ZNF385D: variants seen among roughly 807,000 people sequenced by gnomAD.
ZNF385D encodes zinc finger protein 659.
A neutral mutation model predicts 35.8 loss-of-function variants in ZNF385D; 15 were observed. That is an observed-to-expected ratio of 0.42 (90% CI 0.28 to 0.64). The LOEUF is 0.64. Ranked by LOEUF, ZNF385D falls within the 30% of genes least tolerant of loss-of-function variation. ZNF385D has a pLI of 0.23. For missense variants in ZNF385D, 474 were observed against 494.6 expected (o/e 0.96, Z 0.39); for synonymous variants, 212 against 186.8 (o/e 1.13, Z -1.10).
rs1051144280 is a variant in ZNF385D, at chr3:21,462,322, T to C, written c.440-25119A>G. Among the ~76,000 whole-genome samples the C allele has an allele frequency of 1.2e-4, 18 of 152,284 alleles. No homozygotes were observed. The East Asian group carries it at 3.5e-3, about 29-fold the overall frequency. ...CCAGAATTTAGGAACTTAATAAGTATGCAGTGAGTAAGCAGACATTCATCA... is the reference window on the plus strand; with the variant it reads ...CCAGAATTTAGGAACTTAATAAGTACGCAGTGAGTAAGCAGACATTCATCA... On this transcript the variant is annotated intron_variant, in intron 4 of 7. Transcript: ENST00000281523.
intron 3 of ZNF385D, among the ~76,000 whole-genome samples, chr3:21,902,537 G>C (rs1699463647): frequency 6.6e-6 from 1 of 152,154 alleles, no homozygotes; most frequent in Non-Finnish European, 1.5e-5. Context: ...ATAGAATCAA[G>C]TAGCTTTCAT....
chr3:21,634,343 G>T (rs1034539137), intron 2 of ZNF385D, among the ~76,000 whole-genome samples: 1 of 147,366 alleles, frequency 6.8e-6, no homozygotes, highest in Admixed American at 6.9e-5. Flanking sequence ...AGGGAGAGAG[G>T]AAAGAAAGAA....
intron 2 of ZNF385D, among the ~76,000 whole-genome samples, chr3:21,610,980 C>T (rs995093205): frequency 1.3e-5 from 2 of 152,172 alleles, no homozygotes; most frequent in Admixed American, 1.3e-4. Flanking sequence ...TTGTGTAATG[C>T]TGGCTTGAGG....
intron 2 of ZNF385D, among the ~76,000 whole-genome samples, chr3:22,291,578 A>G (rs887301063): frequency 2.0e-5 from 3 of 152,044 alleles, no homozygotes; most frequent in Non-Finnish European, 4.4e-5. Flanking sequence ...TTATTTGCAA[A>G]CAATGATAGT....
intron 2 of ZNF385D, among the ~76,000 whole-genome samples, chr3:22,290,047 T>G (rs1702220837): frequency 6.6e-6 from 1 of 152,144 alleles, no homozygotes; most frequent in African/African-American, 2.4e-5. Flanking sequence ...GGAAGTGTGA[T>G]CATGCCTATA....
intron 3 of ZNF385D, among the ~76,000 whole-genome samples, chr3:22,064,756 A>T (rs930561671): frequency 6.6e-6 from 1 of 152,314 alleles, no homozygotes; most frequent in East Asian, 1.9e-4. Flanking sequence ...TTAGTAGTAT[A>T]ATGGTGGCTG....
At chr3:21,694,681 A>G (rs2125358504) in intron 1 of ZNF385D, among the ~76,000 whole-genome samples, 1 of 152,298 alleles carries the variant, frequency 6.6e-6, no homozygotes, top group Non-Finnish European at 1.5e-5. Flanking sequence ...TCTAGACAAA[A>G]GATGAAATCT....
intron 3 of ZNF385D, among the ~76,000 whole-genome samples, chr3:22,057,344 G>A (rs748256625): frequency 4.6e-5 from 7 of 152,106 alleles, no homozygotes; most frequent in Admixed American, 3.9e-4. Flanking sequence ...TTCCTGGAAC[G>A]CAGTTAACAT....
At chr3:22,331,112 C>T (rs531854818) in intron 2 of ZNF385D, among the ~76,000 whole-genome samples, 2 of 152,250 alleles carry the variant, frequency 1.3e-5, no homozygotes, top group South Asian at 4.1e-4. Flanking sequence ...TCTAAATTTA[C>T]CATAAATTGA....
intron 2 of ZNF385D, among the ~76,000 whole-genome samples, chr3:22,337,005 T>C (rs1476061983): frequency 4.0e-5 from 6 of 149,292 alleles, no homozygotes; most frequent in Non-Finnish European, 7.4e-5. Flanking sequence ...GTTTTCTTTA[T>C]ATAAAATTAT....
intron 3 of ZNF385D, among the ~76,000 whole-genome samples, chr3:22,160,841 A>G (rs1705904396): frequency 2.0e-5 from 3 of 152,154 alleles, no homozygotes; most frequent in Admixed American, 2.0e-4. Context: ...CTGACACGGT[A>G]GGTCAACTTG....
At chr3:22,178,855 T>A (rs1054789042) in intron 2 of ZNF385D, among the ~76,000 whole-genome samples, 2 of 152,210 alleles carry the variant, frequency 1.3e-5, no homozygotes, top group African/African-American at 4.8e-5. Context: ...CTTTCCCCAT[T>A]TCTTGTTTTT....
chr3:21,810,234 A>G (rs1020928538), intron 3 of ZNF385D, among the ~76,000 whole-genome samples: 2 of 152,220 alleles, frequency 1.3e-5, no homozygotes, highest in African/African-American at 4.8e-5. Context: ...GGCCAATGTA[A>G]TATTTAAAAA....
At chr3:21,532,318 C>T (rs2125536905) in intron 3 of ZNF385D, among the ~76,000 whole-genome samples, 1 of 152,176 alleles carries the variant, frequency 6.6e-6, no homozygotes, top group Middle Eastern at 3.4e-3. Flanking sequence ...ATAATAAACC[C>T]TTATTATTTA....
At chr3:21,977,947 C>T (rs922826567) in intron 3 of ZNF385D, among the ~76,000 whole-genome samples, 1 of 152,168 alleles carries the variant, frequency 6.6e-6, no homozygotes, top group Non-Finnish European at 1.5e-5. Flanking sequence ...CCCACCAATT[C>T]TCTCCTCTGC....
intron 2 of ZNF385D, among the ~76,000 whole-genome samples, chr3:21,641,265 T>A (rs1381371327): frequency 6.6e-6 from 1 of 151,862 alleles, no homozygotes; most frequent in Admixed American, 6.6e-5. Context: ...AGTTGAGTGT[T>A]AAGGAGTACC....
intron 2 of ZNF385D, among the ~76,000 whole-genome samples, chr3:22,214,248 C>G (rs914255111): frequency 1.3e-5 from 2 of 151,996 alleles, no homozygotes; most frequent in African/African-American, 4.8e-5. Context: ...TAATCAATAC[C>G]CTTGTGATTT....
chr3:21,418,062 A>G lies in ZNF385D; in HGVS notation c.*3152T>C, dbSNP rs1436047958. On this transcript the variant is annotated 3_prime_UTR_variant, in exon 8 of 8. Transcript: ENST00000281523. ...ATAAGAGAAATACAGTACCTCCCCAATGACTGTTTCCCATTTGTCTGGACG... is the reference window on the plus strand; with the variant it reads ...ATAAGAGAAATACAGTACCTCCCCAGTGACTGTTTCCCATTTGTCTGGACG... The G allele has an allele frequency of 3.3e-5, 5 of 152,172 alleles. No individual in the cohort carries two copies. Among genetic ancestry groups the G allele is most frequent in the African/African-American group, 1.2e-4 (5 of 41,450 alleles). The allele number at this position is 152,172 out of a possible 1,614,324, so 9.4% of individuals were successfully genotyped here. A position where few individuals can be genotyped will look rare whatever the true frequency, so the allele number is the denominator to read the frequency against.
chr3:22,287,094 G>A (rs1575041366), intron 2 of ZNF385D, among the ~76,000 whole-genome samples: 1 of 151,934 alleles, frequency 6.6e-6, no homozygotes, highest in Non-Finnish European at 1.5e-5. Flanking sequence ...GCTATATTTT[G>A]TTGGTGAAGT....
Sources: allele counts gnomAD v4.1 joint callset (sites outside exome capture counted in the v4.1 genomes callset), GRCh38; gene constraint gnomAD v4.1.1; transcripts MANE v1.5; gene names NCBI Gene and HGNC (gene_info 2026-07-23, HGNC 2026-07-21).